The following SOX9 variants were observed in gnomAD, a reference collection of about 807,000 sequenced individuals.
SOX9 encodes the protein transcription factor SOX-9.
A neutral mutation model predicts 44.8 loss-of-function variants in SOX9; 2 were observed. The ratio of observed to expected loss-of-function variants is 0.04; its 90% confidence interval spans 0.02 to 0.14. SOX9 has a LOEUF of 0.14. SOX9 is among the 10% of genes least tolerant of loss of function. The probability of loss-of-function intolerance (pLI) is 1.00; values close to 1 mark genes in which losing one functional copy is unlikely to be tolerated. For synonymous variants in SOX9, 381 were observed against 331.8 expected (o/e 1.15, Z -1.61); for missense variants, 583 against 728.6 (o/e 0.80, Z 2.30).
In SOX9 at chr17:72,121,721, C is replaced by T. The variant is rs1171219638; in HGVS notation, c.330C>T (p.Asn110=). The T allele has an allele frequency of 1.9e-6, 3 of 1,605,910 alleles. No homozygotes were observed. The highest frequency in any genetic ancestry group is 2.5e-6 in the Non-Finnish European group (3 of 1,176,622). Reference sequence around the variant, plus strand: ...AGCCGCACGTCAAGCGGCCCATGAACGCCTTCATGGTGTGGGCGCAGGCGG... The same window carrying T: ...AGCCGCACGTCAAGCGGCCCATGAATGCCTTCATGGTGTGGGCGCAGGCGG... ...KNKPHVKRPM[N]AFMVWAQAAR... The change falls in exon 1 of 3, where the codon AAC becomes AAT. Residue 110 remains asparagine (N), a synonymous_variant. Transcript: ENST00000245479. This position sits in a 1 kb window ranked among gnomAD's most constrained non-coding sequence, Gnocchi z 8.3.
chr17:72,125,022 G>C lies in SOX9; in HGVS notation c.*635G>C, dbSNP rs549916197. On this transcript the variant is annotated 3_prime_UTR_variant, in exon 3 of 3. Coordinates refer to ENST00000245479, the MANE Select transcript of SOX9 (RefSeq NM_000346.4). ...CTTACAAAAAGAAAAAAAAAATCCT[G>C]TTGTATTAACATTTAAAAACAGAAT... 4.4e-6 allele frequency: 1 copy of C among 225,376 alleles called. No homozygotes were observed. Among genetic ancestry groups the C allele is most frequent in the African/African-American group, 2.2e-5 (1 of 44,676 alleles). 14.0% of individuals were successfully genotyped at this position (225,376 alleles called of 1,614,324 possible).
chr17:72,123,966 C>T lies in SOX9; in HGVS notation c.1109C>T (p.Pro370Leu), dbSNP rs1908199604. Residue 370 changes from proline to leucine, a missense_variant, in exon 3 of 3, where the codon CCG (proline) becomes CTG (leucine). Coordinates refer to ENST00000245479, the MANE Select transcript of SOX9 (RefSeq NM_000346.4). The surrounding 1 kb of genome is among the most constrained non-coding windows in gnomAD (Gnocchi z 6.5). ...CCGCAGGCGGCGCCCCCACAGCAGC[C>T]GGCGGCACCCCCGCAGCAGCCACAG... is the stretch of plus-strand genomic sequence containing the variant. ...PQPQAAPPQQ[P>L]AAPPQQPQAH... The T allele has an allele frequency of 3.4e-6, 5 of 1,473,574 alleles. No homozygotes were observed. Among genetic ancestry groups the T allele is most frequent in the Admixed American group, 2.1e-5 (1 of 47,344 alleles). 91.3% of individuals were successfully genotyped at this position (1,473,574 alleles called of 1,614,324 possible).
In SOX9 at chr17:72,123,841, G is replaced by C. The variant is rs762132069; in HGVS notation, c.984G>C (p.Pro328=). The change falls in exon 3 of 3, where the codon CCG becomes CCC. Residue 328 remains proline (P), a synonymous_variant. Transcript: ENST00000245479. This position sits in a 1 kb window ranked among gnomAD's most constrained non-coding sequence, Gnocchi z 6.5. ...GCATCAGCAGCACCGCGGCCACCCC[G>C]GCGAGCGCGGGCCACGTGTGGATGT... ...SYGISSTAAT[P]ASAGHVWMSK... The C allele has an allele frequency of 1.9e-6, 3 of 1,598,164 alleles. No individual in the cohort carries two copies. Among genetic ancestry groups the C allele is most frequent in the Non-Finnish European group, 2.6e-6 (3 of 1,173,690 alleles).
In SOX9 at chr17:72,124,093, G is replaced by A. The variant is rs2143255818; in HGVS notation, c.1236G>A (p.Gln412=). 1 of 1,613,676 alleles carries A rather than the reference G, an allele frequency of 6.2e-7. No individual in the cohort carries two copies. Residue 412 remains glutamine, a synonymous_variant, in exon 3 of 3, where the codon CAG becomes CAA. Coordinates refer to ENST00000245479, the MANE Select transcript of SOX9 (RefSeq NM_000346.4). This position sits in a 1 kb window ranked among gnomAD's most constrained non-coding sequence, Gnocchi z 4.6. ...LSPSHYSEQQ[Q]HSPQQIAYSP... ...CCAGCCACTACAGCGAGCAGCAGCA[G>A]CACTCGCCCCAACAGATCGCCTACA...
chr17:72,124,729 C>A lies in SOX9; in HGVS notation c.*342C>A. 4.3e-6 allele frequency: 2 copies of A among 468,728 alleles called. 1 individual carries two copies. Among genetic ancestry groups the A allele is most frequent in the South Asian group, 4.5e-5 (2 of 44,480 alleles). 29.0% of individuals were successfully genotyped at this position (468,728 alleles called of 1,614,324 possible). ...GGAGGATGATGGAGAATCGTGTGAT[C>A]AGTGTGCTAAATCTCTCTGCCTGTT... On this transcript the variant is annotated 3_prime_UTR_variant, in exon 3 of 3. Coordinates refer to ENST00000245479, the MANE Select transcript of SOX9 (RefSeq NM_000346.4). This position sits in a 1 kb window ranked among gnomAD's most constrained non-coding sequence, Gnocchi z 4.6.
rs1339956380 is a variant in SOX9 at position 72,124,203 on chromosome 17, G to A, written c.1346G>A (p.Ser449Asn). The A allele has an allele frequency of 6.2e-7, 1 of 1,613,618 alleles. No individual in the cohort carries two copies. Among genetic ancestry groups the A allele is most frequent in the East Asian group, 2.2e-5 (1 of 44,872 alleles). ...QYDYTDHQNSSSYYSHAAGQG... is the reference protein window; with the variant it reads ...QYDYTDHQNSNSYYSHAAGQG... ...GACTACACCGACCACCAGAACTCCA[G>A]CTCCTACTACAGCCACGCGGCAGGC... The change falls in exon 3 of 3, where the codon AGC (serine) becomes AAC (asparagine). Residue 449 changes from serine (S) to asparagine (N), a missense_variant. By Grantham distance (46) the Ser-to-Asn change is conservative. Transcript: ENST00000245479. The surrounding 1 kb of genome is among the most constrained non-coding windows in gnomAD (Gnocchi z 4.6).
chr17:72,123,668 C>T lies in SOX9; in HGVS notation c.811C>T (p.Arg271Cys), dbSNP rs771635102. Reference sequence around the variant, plus strand: ...GGGCAGACAGCCCCCTATCGACTTCCGCGACGTGGACATCGGCGAGCTGAG... The same window carrying T: ...GGGCAGACAGCCCCCTATCGACTTCTGCGACGTGGACATCGGCGAGCTGAG... ...EGGRQPPIDF[R>C]DVDIGELSSD... The change falls in exon 3 of 3, where the codon CGC (arginine) becomes TGC (cysteine). Residue 271 changes from arginine to cysteine, a missense_variant. By Grantham distance (180) the Arg-to-Cys change is radical. Around this residue, in one of 7 missense-constraint regions of SOX9, gnomAD observed 349 missense variants for 387.0 expected, o/e 0.90. Coordinates refer to ENST00000245479, the MANE Select transcript of SOX9 (RefSeq NM_000346.4). The surrounding 1 kb of genome is among the most constrained non-coding windows in gnomAD (Gnocchi z 6.5). 3.7e-6 allele frequency: 6 copies of T among 1,613,992 alleles called. No individual in the cohort carries two copies. The highest frequency in any genetic ancestry group is 2.2e-5 in the East Asian group (1 of 44,864).
At position 72,122,729 on chromosome 17, in the gene SOX9, G is replaced by C. The variant is rs886041242; in HGVS notation, c.442G>C (p.Glu148Gln). Residue 148 changes from glutamate to glutamine, a missense_variant, in exon 2 of 3, where the codon GAG becomes CAG. Coordinates refer to ENST00000245479, the MANE Select transcript of SOX9 (RefSeq NM_000346.4). Reference protein sequence around the residue: ...TLGKLWRLLNESEKRPFVEEA... With the variant: ...TLGKLWRLLNQSEKRPFVEEA... ...CCCCGCCCCGAGCAGACTTCTGAAC[G>C]AGAGCGAGAAGCGGCCCTTCGTGGA... 2.5e-6 allele frequency: 4 copies of C among 1,613,958 alleles called. No individual in the cohort carries two copies. Among genetic ancestry groups the C allele is most frequent in the South Asian group, 2.2e-5 (2 of 91,074 alleles).
In SOX9 at chr17:72,121,598, C is replaced by T. The variant is rs1598175164; in HGVS notation, c.207C>T (p.Phe69=). The T allele has an allele frequency of 1.9e-6, 3 of 1,605,972 alleles. No homozygotes were observed. The highest frequency in any genetic ancestry group is 4.5e-5 in the East Asian group (2 of 44,382). The part of the protein sequence containing the change: ...DLKKESEEDK[F]PVCIREAVSQ... ...AGAAGGAGAGCGAGGAGGACAAGTT[C>T]CCCGTGTGCATCCGCGAGGCGGTCA... The change falls in exon 1 of 3, where the codon TTC becomes TTT. Residue 69 remains phenylalanine, a synonymous_variant. Transcript: ENST00000245479. The surrounding 1 kb of genome is among the most constrained non-coding windows in gnomAD (Gnocchi z 8.3).
rs1201663893 is a variant in SOX9, at chr17:72,123,951, C to A, written c.1094C>A (p.Ala365Glu). 1 of 1,392,416 alleles carries A rather than the reference C, an allele frequency of 7.2e-7. No homozygotes were observed. The highest frequency in any genetic ancestry group is 2.7e-5 in the Admixed American group (1 of 36,688). 86.3% of individuals were successfully genotyped at this position (1,392,416 alleles called of 1,614,324 possible). ...APQAPPQPQA[A>E]PPQQPAAPPQ... ...CAGGCGCCCCCGCAGCCGCAGGCGG[C>A]GCCCCCACAGCAGCCGGCGGCACCC... The change falls in exon 3 of 3, where the codon GCG (alanine) becomes GAG (glutamate). Residue 365 changes from alanine to glutamate, a missense_variant. By Grantham distance (107) the Ala-to-Glu change is moderately radical. Coordinates refer to ENST00000245479, the MANE Select transcript of SOX9 (RefSeq NM_000346.4). This position sits in a 1 kb window ranked among gnomAD's most constrained non-coding sequence, Gnocchi z 6.5.
chr17:72,121,932 C>G lies in SOX9; in HGVS notation c.431+110C>G. ...TCCCATCGCCCGGGAGTTGCCGTTC[C>G]GGGAGCCGGCGGGATGGGGTTGGGA... On this transcript the variant is annotated intron_variant, in intron 1 of 2. Coordinates refer to ENST00000245479, the MANE Select transcript of SOX9 (RefSeq NM_000346.4). This position sits in a 1 kb window ranked among gnomAD's most constrained non-coding sequence, Gnocchi z 8.3. The G allele has an allele frequency of 7.6e-7, 1 of 1,311,330 alleles. No individual in the cohort carries two copies. 81.2% of individuals were successfully genotyped at this position (1,311,330 alleles called of 1,614,324 possible). A position where few individuals can be genotyped will look rare whatever the true frequency, so the allele number is the denominator to read the frequency against.
In SOX9 at chr17:72,124,052, A is replaced by G. The variant is rs2143255355; in HGVS notation, c.1195A>G (p.Thr399Ala). 2 of 1,612,758 alleles carry G rather than the reference A, an allele frequency of 1.2e-6. No homozygotes were observed. The highest frequency in any genetic ancestry group is 8.5e-7 in the Non-Finnish European group (1 of 1,179,494). Residue 399 changes from threonine (T) to alanine (A), a missense_variant, in exon 3 of 3, where the codon ACG (threonine) becomes GCG (alanine). Around this residue, in one of 7 missense-constraint regions of SOX9, gnomAD observed 349 missense variants for 387.0 expected, o/e 0.90. Coordinates refer to ENST00000245479, the MANE Select transcript of SOX9 (RefSeq NM_000346.4). This position sits in a 1 kb window ranked among gnomAD's most constrained non-coding sequence, Gnocchi z 4.6. ...PGQSQRTHIK[T>A]EQLSPSHYSE... is the part of the protein sequence containing the mutation. ...CCAGTCCCAGCGAACGCACATCAAG[A>G]CGGAGCAGCTGAGCCCCAGCCACTA...
Position 72,123,679 on chromosome 17 carries a change from C to T in SOX9, c.822C>T (p.Asp274=), listed in dbSNP as rs1370356081. 6.2e-7 allele frequency: 1 copy of T among 1,614,116 alleles called. No individual in the cohort carries two copies. The highest frequency in any genetic ancestry group is 1.1e-5 in the South Asian group (1 of 91,086). Residue 274 remains aspartate (D), a synonymous_variant, in exon 3 of 3, where the codon GAC becomes GAT. Coordinates refer to ENST00000245479, the MANE Select transcript of SOX9 (RefSeq NM_000346.4). The surrounding 1 kb of genome is among the most constrained non-coding windows in gnomAD (Gnocchi z 6.5). ...CCCCTATCGACTTCCGCGACGTGGA[C>T]ATCGGCGAGCTGAGCAGCGACGTCA... ...RQPPIDFRDV[D]IGELSSDVIS...
rs536565804 is a variant in SOX9 at position 72,126,272 on chromosome 17, T to C, written c.*1885T>C. 4.3e-6 allele frequency: 1 copy of C among 233,252 alleles called. No homozygotes were observed. The highest frequency in any genetic ancestry group is 2.2e-5 in the African/African-American group (1 of 45,432). 14.4% of individuals were successfully genotyped at this position (233,252 alleles called of 1,614,324 possible). A position where few individuals can be genotyped will look rare whatever the true frequency, so the allele number is the denominator to read the frequency against. On this transcript the variant is annotated 3_prime_UTR_variant, in exon 3 of 3. Coordinates refer to ENST00000245479, the MANE Select transcript of SOX9 (RefSeq NM_000346.4). ...TTTGTCTTTAGGTAAAAGCTTTGGT[T>C]TGTGTTCGTGTTTTGTTTGTTTCAC...
rs1351218311 is a variant in SOX9, at chr17:72,124,074, A to G, written c.1217A>G (p.His406Arg). The G allele has an allele frequency of 6.2e-7, 1 of 1,613,414 alleles. No individual in the cohort carries two copies. Among genetic ancestry groups the G allele is most frequent in the East Asian group, 2.2e-5 (1 of 44,872 alleles). ...AAGACGGAGCAGCTGAGCCCCAGCCACTACAGCGAGCAGCAGCAGCACTCG... is the reference window on the plus strand; with the variant it reads ...AAGACGGAGCAGCTGAGCCCCAGCCGCTACAGCGAGCAGCAGCAGCACTCG... Reference protein sequence around the residue: ...HIKTEQLSPSHYSEQQQHSPQ... With the variant: ...HIKTEQLSPSRYSEQQQHSPQ... The change falls in exon 3 of 3, where the codon CAC (histidine) becomes CGC (arginine). Residue 406 changes from histidine to arginine, a missense_variant. By Grantham distance (29) the His-to-Arg change is conservative. Coordinates refer to ENST00000245479, the MANE Select transcript of SOX9 (RefSeq NM_000346.4). The surrounding 1 kb of genome is among the most constrained non-coding windows in gnomAD (Gnocchi z 4.6).
At position 72,121,763 on chromosome 17, in the gene SOX9, G is replaced by T. The variant is rs745780363; in HGVS notation, c.372G>T (p.Ala124=). The T allele has an allele frequency of 4.4e-6, 7 of 1,600,684 alleles. 1 individual carries two copies. The South Asian group carries it at 6.8e-5, about 15-fold the overall frequency. The stretch of plus-strand genomic sequence containing the variant: ...CGCAGGCGGCGCGCAGGAAGCTCGC[G>T]GACCAGTACCCGCACTTGCACAACG... ...VWAQAARRKL[A]DQYPHLHNAE... is the part of the protein sequence containing the mutation. Residue 124 remains alanine (A), a synonymous_variant, in exon 1 of 3, where the codon GCG becomes GCT. Transcript: ENST00000245479. The surrounding 1 kb of genome is among the most constrained non-coding windows in gnomAD (Gnocchi z 8.3).
intron 1 of SOX9, 64 bp from the exon 2 acceptor site, chr17:72,122,655 T>C (rs1490689489): frequency 1.0e-5 from 16 of 1,548,500 alleles, no homozygotes; most frequent in Non-Finnish European, 1.4e-5. Context: ...GACCTGACAG[T>C]TTGGCGGATT....
Position 72,121,769 on chromosome 17 carries a change from G to C in SOX9, c.378G>C (p.Gln126His), listed in dbSNP as rs748167077. The C allele has an allele frequency of 1.2e-6, 2 of 1,600,108 alleles. No homozygotes were observed. The highest frequency in any genetic ancestry group is 4.5e-5 in the East Asian group (2 of 44,346). ...AQAARRKLAD[Q>H]YPHLHNAELS... is the part of the protein sequence containing the mutation. The stretch of plus-strand genomic sequence containing the variant: ...CGGCGCGCAGGAAGCTCGCGGACCA[G>C]TACCCGCACTTGCACAACGCCGAGC... The change falls in exon 1 of 3, where the codon CAG becomes CAC. Residue 126 changes from glutamine (Q) to histidine (H), a missense_variant. Transcript: ENST00000245479. This position sits in a 1 kb window ranked among gnomAD's most constrained non-coding sequence, Gnocchi z 8.3.
intron 1 of SOX9, 21 bp from the exon 2 acceptor site, chr17:72,122,698 C>A: frequency 6.2e-7 from 1 of 1,612,264 alleles, no homozygotes; most frequent in Non-Finnish European, 8.5e-7. Flanking sequence ...TTCTCTGTGC[C>A]CCCCGCCCCG....
Sources: gnomAD v4.1 joint callset for allele counts on GRCh38, gnomAD v4.1.1 for gene constraint, gnomAD v4.1.1 regional missense constraint, Gnocchi (gnomAD v3.1) non-coding constraint, MANE v1.5 for transcripts, NCBI Gene and HGNC (gene_info 2026-07-23, HGNC 2026-07-21) for gene names.